Variants in BOLL observed in about 807,000 individuals in gnomAD.
BOLL encodes the protein boule RNA binding protein, also known as protein boule-like.
BOLL carries 23 observed loss-of-function variants against 44.4 expected under a neutral mutation model. That is an observed-to-expected ratio of 0.52 (90% CI 0.37 to 0.73). The LOEUF (loss-of-function observed/expected upper bound fraction) is 0.73. Among genes scored for constraint, BOLL ranks in the 30% least tolerant of loss-of-function variants. The probability of loss-of-function intolerance (pLI) is 0.00; values close to 1 mark genes in which losing one functional copy is unlikely to be tolerated. For missense variants in BOLL, 287 were observed against 338.3 expected (o/e 0.85, Z 1.19); for synonymous variants, 97 against 110.8 (o/e 0.88, Z 0.78).
intron 7 of BOLL, among the ~76,000 whole-genome samples, chr2:197,758,372 T>C (rs1688609359): frequency 6.6e-6 from 1 of 152,158 alleles, no homozygotes; most frequent in South Asian, 2.1e-4. Context: ...CATAGATAAA[T>C]CTTGAAATCA....
At position 197,742,452 on chromosome 2, in the gene BOLL, GGCAGATATACACCTCGGAATACTAT is replaced by G. The variant is rs1434643838; in HGVS notation, c.828+584_828+608del. Among the ~76,000 whole-genome samples, 11 of 152,286 alleles carry G rather than the reference GGCAGATATACACCTCGGAATACTAT, an allele frequency of 7.2e-5. No homozygotes were observed. In the South Asian group the frequency reaches 2.3e-3, roughly 32 times the overall value. ...ACGATAGACTGGATTAAGAAAATGTGGCAGATATACACCTCGGAATACTATGCAGCCATAAAAAATGATGAGTTCA... is the reference window on the plus strand; with the variant it reads ...ACGATAGACTGGATTAAGAAAATGTGGCAGCCATAAAAAATGATGAGTTCA... On this transcript the variant is annotated intron_variant, in intron 10 of 10. Coordinates refer to ENST00000392296, the MANE Select transcript of BOLL (RefSeq NM_033030.6).
At chr2:197,741,771 AACAC>A (rs1196635003) in intron 10 of BOLL, among the ~76,000 whole-genome samples, 1 of 152,182 alleles carries the variant, frequency 6.6e-6, no homozygotes, top group Non-Finnish European at 1.5e-5. Context: ...TCATGTCTAA[AACAC>A]CAAAAGCCAT....
At chr2:197,784,481 A>T (rs1264164530) in intron 1 of BOLL, 2 of 137,528 alleles carry the variant, frequency 1.5e-5, no homozygotes, top group Non-Finnish European at 3.1e-5. Context: ...GCCAGGCTGG[A>T]GTGCAGTGGC....
intron 4 of BOLL, 40 bp downstream of exon 4, chr2:197,777,019 A>C (rs1574865360): frequency 6.8e-7 from 1 of 1,460,812 alleles, no homozygotes. Flanking sequence ...TCAAATACAA[A>C]ATTTCCAGAA....
chr2:197,744,927 G>A (rs986487473), intron 9 of BOLL, among the ~76,000 whole-genome samples: 3 of 152,186 alleles, frequency 2.0e-5, no homozygotes, highest in Admixed American at 6.5e-5. Flanking sequence ...TAGATGGAAT[G>A]AGGTCCCTGA....
At chr2:197,752,885 G>A (rs549616500) in intron 9 of BOLL, among the ~76,000 whole-genome samples, 4 of 152,060 alleles carry the variant, frequency 2.6e-5, no homozygotes, top group Admixed American at 1.3e-4. Context: ...GAGGCATCAC[G>A]CTACCTGACT....
intron 2 of BOLL, among the ~76,000 whole-genome samples, chr2:197,780,882 C>A (rs998743717): frequency 6.6e-6 from 1 of 151,826 alleles, no homozygotes; most frequent in Non-Finnish European, 1.5e-5. Flanking sequence ...AAGAGTATTC[C>A]ACTTAAAATA....
At chr2:197,779,858 A>G (rs1027616630) in intron 2 of BOLL, among the ~76,000 whole-genome samples, 20 of 152,110 alleles carry the variant, frequency 1.3e-4, no homozygotes, top group Middle Eastern at 3.4e-3. Flanking sequence ...GTTTGTCTAC[A>G]AGAGTAACTT....
chr2:197,733,657 A>G lies in BOLL; in HGVS notation c.829-5079T>C, dbSNP rs1180694909. Among the ~76,000 whole-genome samples, 750 of 151,860 alleles carry G rather than the reference A, an allele frequency of 4.9e-3. 9 individuals are homozygous for G. Among genetic ancestry groups the G allele is most frequent in the African/African-American group, 0.016 (653 of 41,472 alleles). ...GAACAGAGCCCTCAGAAATAATGCC[A>G]CATATCTACAACTATCTGATCTTTG... On this transcript the variant is annotated intron_variant, in intron 10 of 10. Coordinates refer to ENST00000392296, the MANE Select transcript of BOLL (RefSeq NM_033030.6).
chr2:197,767,772 G>T (rs1444371977), intron 6 of BOLL, among the ~76,000 whole-genome samples: 4 of 151,998 alleles, frequency 2.6e-5, no homozygotes, highest in Non-Finnish European at 4.4e-5. Flanking sequence ...ACAGTGCTAA[G>T]ATTGAGAAAG....
At chr2:197,755,164 T>C (rs1023693779) in intron 9 of BOLL, among the ~76,000 whole-genome samples, 2 of 152,200 alleles carry the variant, frequency 1.3e-5, no homozygotes, top group Non-Finnish European at 2.9e-5. Flanking sequence ...TCACTGATCA[T>C]TGGAGAAATG....
At chr2:197,784,825 G>A (rs1689993365) in intron 1 of BOLL, 1 of 987,374 alleles carries the variant, frequency 1.0e-6, no homozygotes, top group Non-Finnish European at 1.2e-6. Context: ...AAACAACAAA[G>A]AAAGCCTGAA....
chr2:197,785,034 C>G lies in BOLL; in HGVS notation c.-16+22G>C. On this transcript the variant is annotated intron_variant, in intron 1 of 10. Coordinates refer to ENST00000392296, the MANE Select transcript of BOLL (RefSeq NM_033030.6). This position sits in a 1 kb window ranked among gnomAD's most constrained non-coding sequence, Gnocchi z 6.7. ...CTAGCATCTATTTTGCAAACGAAGA[C>G]AGCAGGAACGGGCGGGCTAACCGTC... The G allele has an allele frequency of 1.0e-6, 1 of 986,026 alleles. No individual in the cohort carries two copies. The highest frequency in any genetic ancestry group is 1.2e-6 in the Non-Finnish European group (1 of 829,954). 61.1% of individuals were successfully genotyped at this position (986,026 alleles called of 1,614,324 possible). A position where few individuals can be genotyped will look rare whatever the true frequency, so the allele number is the denominator to read the frequency against.
intron 10 of BOLL, among the ~76,000 whole-genome samples, chr2:197,739,350 C>A (rs955709997): frequency 1.3e-5 from 2 of 152,118 alleles, no homozygotes; most frequent in African/African-American, 2.4e-5. Context: ...TAACCTTGAA[C>A]CTTTGGGCTC....
chr2:197,733,618 A>C (rs2106312826), intron 10 of BOLL, among the ~76,000 whole-genome samples: 1 of 152,350 alleles, frequency 6.6e-6, no homozygotes. Context: ...ACAGAGATAG[A>C]GACCAATGGA....
chr2:197,747,995 C>T (rs114859800), intron 9 of BOLL, among the ~76,000 whole-genome samples: 468 of 152,274 alleles, frequency 3.1e-3, no homozygotes, highest in African/African-American at 0.011. Context: ...CCGCAGCTTC[C>T]AGTGAGAACA....
chr2:197,777,222 G>A, intron 3 of BOLL, 109 bp from the exon 4 acceptor site: 1 of 603,640 alleles, frequency 1.7e-6, no homozygotes, highest in Admixed American at 3.6e-5. Context: ...CACTGTAGGA[G>A]TAGGCATGTT....
chr2:197,768,465 C>T (rs1181720506), intron 6 of BOLL, among the ~76,000 whole-genome samples: 1 of 151,758 alleles, frequency 6.6e-6, no homozygotes, highest in Non-Finnish European at 1.5e-5. Flanking sequence ...TTTCAAGACT[C>T]GTTATAAAGT....
At chr2:197,737,628 T>C (rs1687553465) in intron 10 of BOLL, among the ~76,000 whole-genome samples, 1 of 152,154 alleles carries the variant, frequency 6.6e-6, no homozygotes, top group Non-Finnish European at 1.5e-5. Flanking sequence ...TACAAGACAA[T>C]TTGAGTCTCT....
Sources: allele counts gnomAD v4.1 joint callset (sites outside exome capture counted in the v4.1 genomes callset), GRCh38; gene constraint gnomAD v4.1.1; non-coding constraint Gnocchi (gnomAD v3.1); transcripts MANE v1.5; gene names NCBI Gene and HGNC (gene_info 2026-07-23, HGNC 2026-07-21).